ALPK2: variants seen among roughly 807,000 people sequenced by gnomAD.
ALPK2 encodes alpha-protein kinase 2.
A neutral mutation model predicts 163.1 loss-of-function variants in ALPK2; 127 were observed. The ratio of observed to expected loss-of-function variants is 0.78; its 90% CI spans 0.67 to 0.90. The LOEUF (loss-of-function observed/expected upper bound fraction) is 0.90. Ranked by LOEUF, ALPK2 falls within the 40% of genes least tolerant of loss-of-function variation. The pLI, the probability that ALPK2 is intolerant of heterozygous loss-of-function variation, is 0.00. For missense variants in ALPK2, 2,360 were observed against 2,589.6 expected (o/e 0.91, Z 1.92); for synonymous variants, 953 against 959.1 (o/e 0.99, Z 0.12).
intron 10 of ALPK2, among the ~76,000 whole-genome samples, chr18:58,506,268 T>C (rs1171635199): frequency 7.3e-5 from 11 of 151,688 alleles, no homozygotes; most frequent in Admixed American, 7.2e-4. Flanking sequence ...TTGGGTGCCA[T>C]GTTCACTATT....
In ALPK2 at chr18:58,514,932, T is replaced by C; in HGVS notation, c.6029+61A>G. 3 of 1,336,304 alleles carry C rather than the reference T, an allele frequency of 2.2e-6. No individual in the cohort carries two copies. The East Asian group carries it at 7.1e-5, about 32-fold the overall frequency. 82.8% of individuals were successfully genotyped at this position (1,336,304 alleles called of 1,614,324 possible). Reference sequence around the variant, plus strand: ...TGCCCTACTGTTCCTTCTCACTCTCTCGTCCCTCCTAGTCCCCAACGAGTC... The same window carrying C: ...TGCCCTACTGTTCCTTCTCACTCTCCCGTCCCTCCTAGTCCCCAACGAGTC... On this transcript the variant is annotated intron_variant, in intron 10 of 12. Transcript: ENST00000361673.
At chr18:58,605,163 T>A (rs1050421037) in intron 3 of ALPK2, among the ~76,000 whole-genome samples, 1 of 148,638 alleles carries the variant, frequency 6.7e-6, no homozygotes, top group Non-Finnish European at 1.5e-5. Flanking sequence ...CTTACCAGGG[T>A]AGGCAAACTA....
chr18:58,551,359 G>A (rs1315730982), intron 4 of ALPK2, among the ~76,000 whole-genome samples: 1 of 152,108 alleles, frequency 6.6e-6, no homozygotes, highest in Non-Finnish European at 1.5e-5. Context: ...TCCCTGACCT[G>A]TAGATGCATC....
intron 8 of ALPK2, among the ~76,000 whole-genome samples, chr18:58,520,542 AC>A (rs1364433735): frequency 6.6e-6 from 1 of 151,346 alleles, no homozygotes; most frequent in Non-Finnish European, 1.5e-5. Flanking sequence ...GTTCCTTGCT[AC>A]ACCCATACAT....
At chr18:58,614,610 A>G (rs893747353) in intron 1 of ALPK2, among the ~76,000 whole-genome samples, 2 of 152,234 alleles carry the variant, frequency 1.3e-5, no homozygotes, top group African/African-American at 4.8e-5. Context: ...TATTTTTAAA[A>G]AACCAGATTT....
At chr18:58,625,606 T>G (rs1361610201) in intron 1 of ALPK2, among the ~76,000 whole-genome samples, 1 of 152,256 alleles carries the variant, frequency 6.6e-6, no homozygotes, top group African/African-American at 2.4e-5. Flanking sequence ...ACTTGAAAGT[T>G]TAAGAACCGC....
chr18:58,529,319 A>C (rs532834708), intron 5 of ALPK2, 81 bp from the exon 6 acceptor site: 1 of 1,341,092 alleles, frequency 7.5e-7, no homozygotes, highest in African/African-American at 1.5e-5. Context: ...CAATCCTGAG[A>C]GACAGGAATA....
chr18:58,565,825 T>G (rs185207886), intron 4 of ALPK2, among the ~76,000 whole-genome samples: 9 of 151,920 alleles, frequency 5.9e-5, no homozygotes, highest in Non-Finnish European at 7.4e-5. Context: ...TGAGATGGAG[T>G]CTTGCTCTGT....
At chr18:58,620,498 T>C (rs566753381) in intron 1 of ALPK2, among the ~76,000 whole-genome samples, 1 of 152,076 alleles carries the variant, frequency 6.6e-6, no homozygotes, top group Non-Finnish European at 1.5e-5. Context: ...TCAGTGGTGG[T>C]TGGAGGTGAG....
At chr18:58,486,489 C>T (rs950452300) in intron 12 of ALPK2, among the ~76,000 whole-genome samples, 3 of 152,306 alleles carry the variant, frequency 2.0e-5, no homozygotes, top group East Asian at 1.9e-4. Flanking sequence ...ATGCCCAGAA[C>T]GCCTGTCCAG....
At chr18:58,617,143 C>G (rs551104895) in intron 1 of ALPK2, among the ~76,000 whole-genome samples, 1 of 152,216 alleles carries the variant, frequency 6.6e-6, no homozygotes, top group Admixed American at 6.5e-5. Context: ...GAGAGATTTT[C>G]CCTAAACAGT....
chr18:58,515,122 G>T, intron 9 of ALPK2, 41 bp from the exon 10 acceptor site: 1 of 1,491,576 alleles, frequency 6.7e-7, no homozygotes, highest in Non-Finnish European at 9.3e-7. Context: ...GTGACTACAG[G>T]AAATTCAGAC....
chr18:58,623,578 T>C (rs2052213578), intron 1 of ALPK2, among the ~76,000 whole-genome samples: 1 of 152,146 alleles, frequency 6.6e-6, no homozygotes, highest in African/African-American at 2.4e-5. Flanking sequence ...CAATCCTCCC[T>C]CCTCAGCCTC....
At chr18:58,547,943 C>A (rs2051727082) in intron 4 of ALPK2, among the ~76,000 whole-genome samples, 2 of 152,158 alleles carry the variant, frequency 1.3e-5, no homozygotes, top group South Asian at 4.1e-4. Context: ...ATTTTCAAAT[C>A]AATATCTCTC....
chr18:58,564,823 T>C (rs1355510509), intron 4 of ALPK2, among the ~76,000 whole-genome samples: 1 of 152,224 alleles, frequency 6.6e-6, no homozygotes, highest in Non-Finnish European at 1.5e-5. Flanking sequence ...TCCCAGTTTA[T>C]GTCTTCCTTT....
At chr18:58,552,718 G>C (rs948733878) in intron 4 of ALPK2, among the ~76,000 whole-genome samples, 1 of 149,306 alleles carries the variant, frequency 6.7e-6, no homozygotes, top group East Asian at 2.0e-4. Flanking sequence ...ACTTAGGGTC[G>C]GCAGGTGTTC....
At chr18:58,597,804 C>A (rs1004953034) in intron 3 of ALPK2, among the ~76,000 whole-genome samples, 1 of 152,174 alleles carries the variant, frequency 6.6e-6, no homozygotes, top group Non-Finnish European at 1.5e-5. Flanking sequence ...GGAGGCAGGG[C>A]CTCTGGGAGG....
chr18:58,519,633 T>C (rs2051539217), intron 8 of ALPK2, among the ~76,000 whole-genome samples: 1 of 152,214 alleles, frequency 6.6e-6, no homozygotes, highest in Admixed American at 6.5e-5. Context: ...GAAATGCTTA[T>C]TTGACAAAGA....
At chr18:58,611,556 T>C (rs1387169869) in intron 2 of ALPK2, 133 bp downstream of exon 2, 1 of 769,472 alleles carries the variant, frequency 1.3e-6, no homozygotes, top group Non-Finnish European at 2.2e-6. Context: ...TGGAGTTGCT[T>C]CATTGATTAC....
Sources: allele counts gnomAD v4.1 joint callset (sites outside exome capture counted in the v4.1 genomes callset), GRCh38; gene constraint gnomAD v4.1.1; transcripts MANE v1.5; gene names NCBI Gene and HGNC (gene_info 2026-07-23, HGNC 2026-07-21).